The following STXBP5 variants were observed in gnomAD, a reference collection of about 807,000 sequenced individuals.
STXBP5 encodes syntaxin-binding protein 5.
STXBP5 carries 50 observed loss-of-function variants against 152.4 expected under a neutral mutation model. The observed-to-expected ratio is 0.33, with a 90% CI of 0.26 to 0.42. STXBP5 has a LOEUF of 0.42. Among genes scored for constraint, STXBP5 ranks in the 10% least tolerant of loss-of-function variants. The pLI, the probability that STXBP5 is intolerant of heterozygous loss-of-function variation, is 1.00. For synonymous variants in STXBP5, 492 were observed against 494.7 expected (o/e 0.99, Z 0.07); for missense variants, 1,167 against 1,388.6 (o/e 0.84, Z 2.54).
At chr6:147,249,511 T>C (rs1328754431) in intron 4 of STXBP5, among the ~76,000 whole-genome samples, 1 of 152,170 alleles carries the variant, frequency 6.6e-6, no homozygotes, top group Non-Finnish European at 1.5e-5. Flanking sequence ...CTTAGCAGAA[T>C]TGTCCCCTAC....
In STXBP5 at chr6:147,386,016, A is replaced by T. The variant is rs897173226; in HGVS notation, c.*1261A>T. The T allele has an allele frequency of 8.5e-5, 13 of 152,082 alleles. No individual in the cohort carries two copies. The highest frequency in any genetic ancestry group is 2.9e-4 in the African/African-American group (12 of 41,444). 9.4% of individuals were successfully genotyped at this position (152,082 alleles called of 1,614,324 possible). A position where few individuals can be genotyped will look rare whatever the true frequency, so the allele number is the denominator to read the frequency against. On this transcript the variant is annotated 3_prime_UTR_variant, in exon 28 of 28. Transcript: ENST00000321680. ...ATATGTACACTGTGATAACTAAATTATTTCTGTATTGGAATATAATACAAT... is the reference window on the plus strand; with the variant it reads ...ATATGTACACTGTGATAACTAAATTTTTTCTGTATTGGAATATAATACAAT...
At chr6:147,274,352 C>T (rs186571551) in intron 7 of STXBP5, among the ~76,000 whole-genome samples, 1 of 151,978 alleles carries the variant, frequency 6.6e-6, no homozygotes, top group African/African-American at 2.4e-5. Flanking sequence ...ATGGAAAGGG[C>T]AGTGGTTTCA....
intron 3 of STXBP5, among the ~76,000 whole-genome samples, chr6:147,238,054 G>GC (rs2115192816): frequency 6.6e-6 from 1 of 152,266 alleles, no homozygotes; most frequent in African/African-American, 2.4e-5. Context: ...CATCTCAAAG[G>GC]TTTTTCAAAA....
intron 9 of STXBP5, among the ~76,000 whole-genome samples, chr6:147,296,829 A>G (rs1251692762): frequency 2.0e-5 from 3 of 152,192 alleles, no homozygotes; most frequent in African/African-American, 4.8e-5. Context: ...GAAAAATACA[A>G]TTGAGAGTTT....
chr6:147,274,867 A>T (rs982612741), intron 7 of STXBP5, among the ~76,000 whole-genome samples: 3 of 152,102 alleles, frequency 2.0e-5, no homozygotes, highest in African/African-American at 7.2e-5. Context: ...ATTAAAATTA[A>T]GAATATTAAT....
chr6:147,296,708 A>G (rs1207852909), intron 9 of STXBP5, among the ~76,000 whole-genome samples: 1 of 152,200 alleles, frequency 6.6e-6, no homozygotes, highest in African/African-American at 2.4e-5. Context: ...AGCAAGATAC[A>G]AGAGAATACA....
chr6:147,360,757 AT>A lies in STXBP5; in HGVS notation c.2545+1436del, dbSNP rs142153579. On this transcript the variant is annotated intron_variant, in intron 23 of 27. Coordinates refer to ENST00000321680, the MANE Select transcript of STXBP5 (RefSeq NM_001127715.4). ...CTAGACTTCATATTTTGAAAATGAG[AT>A]TGGATTTTGTCAAATGTTTGTGGAG... 7.2e-3 allele frequency among the ~76,000 whole-genome samples: 1,101 copies of A among 152,228 alleles called. 13 individuals are homozygous for A. The highest frequency in any genetic ancestry group is 0.025 in the African/African-American group (1,056 of 41,544).
intron 5 of STXBP5, among the ~76,000 whole-genome samples, chr6:147,261,120 A>G (rs570681196): frequency 3.3e-5 from 5 of 152,094 alleles, no homozygotes; most frequent in East Asian, 1.9e-4. Context: ...GTTGCCACCA[A>G]TGTTTGGAAA....
chr6:147,342,087 A>C (rs187003657), intron 21 of STXBP5, among the ~76,000 whole-genome samples: 1 of 152,284 alleles, frequency 6.6e-6, no homozygotes, highest in Admixed American at 6.5e-5. Flanking sequence ...TTTACAGAAA[A>C]CTAAAGGATT....
intron 21 of STXBP5, among the ~76,000 whole-genome samples, chr6:147,346,334 G>T (rs951834233): frequency 6.6e-6 from 1 of 152,120 alleles, no homozygotes; most frequent in Non-Finnish European, 1.5e-5. Flanking sequence ...CAGGAGGACC[G>T]ACTGACTAGA....
At chr6:147,384,503 G>C (rs1786245656) in intron 27 of STXBP5, among the ~76,000 whole-genome samples, 1 of 152,066 alleles carries the variant, frequency 6.6e-6, no homozygotes, top group Non-Finnish European at 1.5e-5. Flanking sequence ...TAAGAAATCT[G>C]TGGAACTTCT....
intron 4 of STXBP5, among the ~76,000 whole-genome samples, chr6:147,250,057 C>G (rs1779007730): frequency 6.6e-6 from 1 of 152,102 alleles, no homozygotes; most frequent in African/African-American, 2.4e-5. Flanking sequence ...TAGAACATTG[C>G]CAGCTTGGAC....
chr6:147,267,814 T>C (rs527525460), intron 7 of STXBP5, among the ~76,000 whole-genome samples: 2 of 152,282 alleles, frequency 1.3e-5, no homozygotes, highest in Admixed American at 6.5e-5. Flanking sequence ...ATTTAGCTGG[T>C]GGAACCTTAG....
At chr6:147,226,744 C>G (rs1274264787) in intron 2 of STXBP5, among the ~76,000 whole-genome samples, 1 of 152,044 alleles carries the variant, frequency 6.6e-6, no homozygotes, top group African/African-American at 2.4e-5. Flanking sequence ...AACTGAAGAC[C>G]TAACTGTTAT....
chr6:147,234,350 C>G (rs1778163089), intron 2 of STXBP5, among the ~76,000 whole-genome samples: 1 of 151,630 alleles, frequency 6.6e-6, no homozygotes, highest in Admixed American at 6.6e-5. Context: ...ATAGTGAGTT[C>G]TACAAATGTA....
chr6:147,328,737 A>G (rs758661769), intron 18 of STXBP5: 3 of 470,836 alleles, frequency 6.4e-6, no homozygotes, highest in South Asian at 3.1e-5. Flanking sequence ...CGGCCTTTCT[A>G]GCTTATATTC....
In STXBP5 at chr6:147,389,132, T is replaced by C. The variant is rs965115869; in HGVS notation, c.*4377T>C. ...TTTCATTTGAAAATGAATGTGAAGA[T>C]ACTGTTTACAGCTTTTGTTAATTGC... On this transcript the variant is annotated 3_prime_UTR_variant, in exon 28 of 28. Transcript: ENST00000321680. 3 of 151,770 alleles carry C rather than the reference T, an allele frequency of 2.0e-5. No homozygotes were observed. The highest frequency in any genetic ancestry group is 7.2e-5 in the African/African-American group (3 of 41,432). The allele number at this position is 151,770 out of a possible 1,614,324, so 9.4% of individuals were successfully genotyped here. A position where few individuals can be genotyped will look rare whatever the true frequency, so the allele number is the denominator to read the frequency against.
chr6:147,250,907 GCAGCAAGCTGAGATCACATCACTGCACT>G (rs1779051234), intron 4 of STXBP5, among the ~76,000 whole-genome samples: 1 of 146,574 alleles, frequency 6.8e-6, no homozygotes, highest in African/African-American at 2.6e-5. Context: ...GGCGGAGGTT[GCAGCAAGCTGAGATCACATCACTGCACT>G]CCAGCATGGG....
rs548065213 is a variant in STXBP5 at position 147,288,404 on chromosome 6, T to C, written c.839-2690T>C. ...ATGGCTAGCCTACCACTGAGCTGGG[T>C]AGCTAGGGGATAGAAATAGACCTTC... is the stretch of plus-strand genomic sequence containing the variant. On this transcript the variant is annotated intron_variant, in intron 8 of 27. Transcript: ENST00000321680. Among the ~76,000 whole-genome samples the C allele has an allele frequency of 5.3e-5, 8 of 152,248 alleles. No individual in the cohort carries two copies. In the East Asian group the frequency reaches 1.5e-3, roughly 29 times the overall value.
Sources: allele counts gnomAD v4.1 joint callset (sites outside exome capture counted in the v4.1 genomes callset), GRCh38; gene constraint gnomAD v4.1.1; transcripts MANE v1.5; gene names NCBI Gene and HGNC (gene_info 2026-07-23, HGNC 2026-07-21).